The following MYBPC1 variants were observed in gnomAD, a reference collection of about 807,000 sequenced individuals.
MYBPC1 encodes myosin binding protein C1.
A neutral mutation model predicts 147.1 loss-of-function variants in MYBPC1; 52 were observed. The ratio of observed to expected loss-of-function variants is 0.35; its 90% confidence interval spans 0.28 to 0.45. The LOEUF (loss-of-function observed/expected upper bound fraction) is 0.45. MYBPC1 is among the 20% of genes least tolerant of loss of function. MYBPC1 has a pLI of 1.00. For synonymous variants in MYBPC1, 477 were observed against 475.9 expected, an observed-to-expected ratio of 1.00 and a Z score of -0.03; for missense variants, 1,228 against 1,440.3, an observed-to-expected ratio of 0.85 and a Z score of 2.39.
intron 15 of MYBPC1, chr12:101,650,881 A>G (rs1894301023): frequency 2.9e-6 from 1 of 344,476 alleles, no homozygotes; most frequent in Non-Finnish European, 5.6e-6. Context: ...GGATTATTCA[A>G]AATCTGATGA....
At chr12:101,654,342 T>C (rs1895137001) in intron 18 of MYBPC1, among the ~76,000 whole-genome samples, 1 of 152,048 alleles carries the variant, frequency 6.6e-6, no homozygotes, top group Non-Finnish European at 1.5e-5. Flanking sequence ...AGACAAAATA[T>C]GTGAACAATG....
chr12:101,627,110 G>A (rs909925747), intron 4 of MYBPC1, among the ~76,000 whole-genome samples, 200 bp downstream of exon 4: 1 of 152,120 alleles, frequency 6.6e-6, no homozygotes, highest in Non-Finnish European at 1.5e-5. Context: ...TTAGAAAGAG[G>A]CATTCTTTGA....
chr12:101,620,363 C>T (rs1223862332), intron 3 of MYBPC1, among the ~76,000 whole-genome samples: 9 of 152,134 alleles, frequency 5.9e-5, no homozygotes, highest in Non-Finnish European at 5.9e-5. Flanking sequence ...GCCAAAGATT[C>T]GCCTTTTATT....
rs144923169 is a variant in MYBPC1, at chr12:101,680,393, A to G, written c.3297A>G (p.Arg1099=). The part of the protein sequence containing the change: ...KNKVAIVDDP[R]YRMFSNQGVC... Reference sequence around the variant, plus strand: ...AAGTTGCTATTGTGGATGATCCAAGATACAGGATGTTCAGCAACCAGGGAG... The same window carrying G: ...AAGTTGCTATTGTGGATGATCCAAGGTACAGGATGTTCAGCAACCAGGGAG... The change falls in exon 29 of 32, where the codon AGA becomes AGG. Residue 1099 remains arginine (R), a synonymous_variant. Coordinates refer to ENST00000361466, the MANE Select transcript of MYBPC1 (RefSeq NM_002465.4). 1.7e-5 allele frequency: 28 copies of G among 1,613,994 alleles called. No individual in the cohort carries two copies. In the African/African-American group the frequency reaches 3.6e-4, roughly 21 times the overall value.
At chr12:101,605,651 A>G (rs950812484) in intron 1 of MYBPC1, among the ~76,000 whole-genome samples, 4 of 152,210 alleles carry the variant, frequency 2.6e-5, no homozygotes, top group African/African-American at 9.7e-5. Context: ...ACCTGAGGTC[A>G]GGAGTTTGAG....
intron 21 of MYBPC1, 62 bp from the exon 22 acceptor site, chr12:101,663,364 A>G: frequency 7.0e-7 from 1 of 1,437,288 alleles, no homozygotes; most frequent in Non-Finnish European, 9.8e-7. Flanking sequence ...GTTTTATCAC[A>G]GTTCCTGCAC....
At position 101,644,580 on chromosome 12, in the gene MYBPC1, G is replaced by T. The variant is rs139925646; in HGVS notation, c.833-84G>T. 1.3e-5 allele frequency: 17 copies of T among 1,282,686 alleles called. No homozygotes were observed. The Middle Eastern group carries it at 7.8e-4, about 59-fold the overall frequency. The allele number at this position is 1,282,686 out of a possible 1,614,324, so 79.5% of individuals were successfully genotyped here. Reference sequence around the variant, plus strand: ...AGATTCATTTTTTCATTTGCTTTTAGGTTCTCCTACATGTATTGACTATTT... The same window carrying T: ...AGATTCATTTTTTCATTTGCTTTTATGTTCTCCTACATGTATTGACTATTT... On this transcript the variant is annotated intron_variant, in intron 11 of 31. Transcript: ENST00000361466.
intron 1 of MYBPC1, among the ~76,000 whole-genome samples, chr12:101,600,753 T>A (rs946809194): frequency 1.3e-5 from 2 of 152,202 alleles, no homozygotes; most frequent in African/African-American, 4.8e-5. Flanking sequence ...ATGAAAACTA[T>A]ATTAAGAGAC....
At chr12:101,636,968 T>C in intron 10 of MYBPC1, 1 of 202,378 alleles carries the variant, frequency 4.9e-6, no homozygotes, top group Non-Finnish European at 8.5e-6. Flanking sequence ...TCTTCACCTA[T>C]TTTTTTTTAA....
chr12:101,673,004 C>A (rs1049041736), intron 24 of MYBPC1, among the ~76,000 whole-genome samples: 2 of 152,128 alleles, frequency 1.3e-5, no homozygotes, highest in Non-Finnish European at 2.9e-5. Context: ...GTCACACAGA[C>A]GTTAAGTGGT....
chr12:101,632,382 T>C (rs1284451226), intron 8 of MYBPC1, among the ~76,000 whole-genome samples: 1 of 152,194 alleles, frequency 6.6e-6, no homozygotes, highest in Non-Finnish European at 1.5e-5. Context: ...ATTCTTTCAA[T>C]CTCCCAGATA....
chr12:101,695,497 G>A, the MYBPC1 span, among the ~76,000 whole-genome samples: 2 of 152,170 alleles, frequency 1.3e-5, no homozygotes, highest in Non-Finnish European at 2.9e-5. Context: ...TAAAACTGCA[G>A]AAAAGTAAAA....
At chr12:101,659,389 GCTACT>G (rs1896137259) in intron 18 of MYBPC1, among the ~76,000 whole-genome samples, 1 of 152,082 alleles carries the variant, frequency 6.6e-6, no homozygotes, top group Non-Finnish European at 1.5e-5. Context: ...TCCCATTTCT[GCTACT>G]TCCTACCTGT....
chr12:101,639,809 C>T (rs1166603862), intron 10 of MYBPC1, among the ~76,000 whole-genome samples: 1 of 151,868 alleles, frequency 6.6e-6, no homozygotes, highest in East Asian at 1.9e-4. Context: ...AAATCCTCCG[C>T]CAATGTCAGG....
chr12:101,619,378 G>T (rs761751170), intron 3 of MYBPC1, among the ~76,000 whole-genome samples: 1 of 151,878 alleles, frequency 6.6e-6, no homozygotes, highest in African/African-American at 2.4e-5. Context: ...CCACATAATC[G>T]CACATTAATG....
chr12:101,615,667 C>G (rs975808158), intron 2 of MYBPC1, among the ~76,000 whole-genome samples: 26 of 72,466 alleles, frequency 3.6e-4, no homozygotes, highest in Non-Finnish European at 5.8e-4. Context: ...CCCCCGCCCC[C>G]CCCCCGCCCC....
intron 1 of MYBPC1, among the ~76,000 whole-genome samples, chr12:101,601,537 A>G (rs574642878): frequency 6.1e-4 from 93 of 152,346 alleles, no homozygotes; most frequent in Admixed American, 8.5e-4. Context: ...TTCTCTTTCT[A>G]TAATGAGTTC....
At position 101,646,852 on chromosome 12, in the gene MYBPC1, G is replaced by C; in HGVS notation, c.1055G>C (p.Gly352Ala). Residue 352 changes from glycine (G) to alanine (A), a missense_variant, in exon 13 of 32, where the codon GGT becomes GCT. Transcript: ENST00000361466. ...TDDSEYYVTA[G>A]DEKCSTELFV... is the part of the protein sequence containing the mutation. Reference sequence around the variant, plus strand: ...GATTCAGAGTATTATGTGACAGCCGGTGATGAGAAATGTTCCACTGAGCTC... The same window carrying C: ...GATTCAGAGTATTATGTGACAGCCGCTGATGAGAAATGTTCCACTGAGCTC... 1 of 1,614,128 alleles carries C rather than the reference G, an allele frequency of 6.2e-7. No homozygotes were observed. The highest frequency in any genetic ancestry group is 8.5e-7 in the Non-Finnish European group (1 of 1,179,974).
At chr12:101,597,752 A>G (rs1272011798) in intron 1 of MYBPC1, among the ~76,000 whole-genome samples, 1 of 152,158 alleles carries the variant, frequency 6.6e-6, no homozygotes, top group African/African-American at 2.4e-5. Context: ...TATATTATGT[A>G]TTCTTTGGAG....
Sources: gnomAD v4.1 joint callset for allele counts (sites outside exome capture counted in the v4.1 genomes callset) on GRCh38, gnomAD v4.1.1 for gene constraint, MANE v1.5 for transcripts, NCBI Gene and HGNC (gene_info 2026-07-23, HGNC 2026-07-21) for gene names.